STON2: variants seen among roughly 807,000 people sequenced by gnomAD.
The protein encoded by STON2 is stonin-2.
In STON2, 29 loss-of-function variants were observed where a neutral mutation model predicts 65.7. The ratio of observed to expected loss-of-function variants is 0.44; its 90% confidence interval spans 0.33 to 0.60. STON2 has a LOEUF of 0.60. Ranked by LOEUF, STON2 falls within the 20% of genes least tolerant of loss-of-function variation. The probability of loss-of-function intolerance (pLI) is 0.03; values close to 1 mark genes in which losing one functional copy is unlikely to be tolerated. For synonymous variants in STON2, 404 were observed against 414.2 expected, an observed-to-expected ratio of 0.98 and a Z score of 0.30; for missense variants, 1,054 against 1,118.1, an observed-to-expected ratio of 0.94 and a Z score of 0.82.
chr14:81,317,349 C>A lies in STON2; in HGVS notation c.742+6668G>T, dbSNP rs371896169. ...TCCAAAATAGGGGATCACATTTCAA[C>A]ATGAGAATTGGAGGGGACAAATATA... is the stretch of plus-strand genomic sequence containing the variant. On this transcript the variant is annotated intron_variant, in intron 5 of 7. Transcript: ENST00000614646. Among the ~76,000 whole-genome samples, 4 of 152,330 alleles carry A rather than the reference C, an allele frequency of 2.6e-5. No individual in the cohort carries two copies. In the East Asian group the frequency reaches 7.7e-4, roughly 29 times the overall value.
chr14:81,372,809 G>T (rs1899066651), intron 3 of STON2, among the ~76,000 whole-genome samples: 1 of 152,060 alleles, frequency 6.6e-6, no homozygotes, highest in South Asian at 2.1e-4. Flanking sequence ...CAGTTCTCCT[G>T]CCGGGAAAAC....
chr14:81,277,885 G>C lies in STON2; in HGVS notation c.1597C>G (p.Leu533Val). ...TCTGAAATCTCATGACAGATCTCCA[G>C]CTTGAACTCACGGAATGGTTTTTCT... ...GLEKPFREFK[L>V]EICHEISEPR... is the part of the protein sequence containing the mutation. Residue 533 changes from leucine (L) to valine (V), a missense_variant, in exon 6 of 8, where the codon CTG (leucine) becomes GTG (valine). Leu to Val is a conservative substitution (Grantham distance 32). Transcript: ENST00000614646. 6.2e-7 allele frequency: 1 copy of C among 1,614,208 alleles called. No individual in the cohort carries two copies. Among genetic ancestry groups the C allele is most frequent in the Non-Finnish European group, 8.5e-7 (1 of 1,180,036 alleles).
At chr14:81,335,034 T>C (rs1897323423) in intron 4 of STON2, among the ~76,000 whole-genome samples, 3 of 151,244 alleles carry the variant, frequency 2.0e-5, no homozygotes, top group Admixed American at 2.0e-4. Flanking sequence ...TGTGTGTGTG[T>C]GTGTGTGTGT....
At chr14:81,399,088 T>C (rs981162321) in intron 1 of STON2, among the ~76,000 whole-genome samples, 2 of 152,178 alleles carry the variant, frequency 1.3e-5, no homozygotes, top group Non-Finnish European at 2.9e-5. Flanking sequence ...TCAAGAAAAA[T>C]AGAAATGAAG....
chr14:81,396,772 A>T (rs1388176906), intron 2 of STON2, among the ~76,000 whole-genome samples: 1 of 152,080 alleles, frequency 6.6e-6, no homozygotes, highest in Non-Finnish European at 1.5e-5. Context: ...GAAATTAAAA[A>T]ACCTGGCCGG....
intron 1 of STON2, among the ~76,000 whole-genome samples, chr14:81,431,646 C>T (rs955422766): frequency 9.9e-5 from 15 of 152,132 alleles, no homozygotes; most frequent in Admixed American, 2.0e-4. Flanking sequence ...GGCATAGTGG[C>T]GCATTCCTGT....
At chr14:81,292,179 C>T (rs1357204575) in intron 5 of STON2, among the ~76,000 whole-genome samples, 6 of 152,158 alleles carry the variant, frequency 3.9e-5, no homozygotes, top group Admixed American at 2.0e-4. Flanking sequence ...GTCTTAAAAC[C>T]AGCATTCCAA....
chr14:81,357,868 T>C (rs1378547994), intron 4 of STON2, among the ~76,000 whole-genome samples: 2 of 125,820 alleles, frequency 1.6e-5, no homozygotes, highest in African/African-American at 6.2e-5. Flanking sequence ...AAGGGGAACA[T>C]CACACTCTGG....
Position 81,278,741 on chromosome 14 carries a change from TA to T in STON2, c.743-3del. 1 of 1,511,528 alleles carries T rather than the reference TA, an allele frequency of 6.6e-7. No individual in the cohort carries two copies. Among genetic ancestry groups the T allele is most frequent in the Non-Finnish European group, 8.8e-7 (1 of 1,133,284 alleles). 93.6% of individuals were successfully genotyped at this position (1,511,528 alleles called of 1,614,324 possible). A position where few individuals can be genotyped will look rare whatever the true frequency, so the allele number is the denominator to read the frequency against. On this transcript the variant is annotated splice_region_variant and splice_polypyrimidine_tract_variant and intron_variant, in intron 5 of 7. Coordinates refer to ENST00000614646, the MANE Select transcript of STON2 (RefSeq NM_001394390.1). ...CTTCTTGAAGCGAGGAGGAATTGTCTAAAAGGAAAAGGAGAACATATGAGCT... is the reference window on the plus strand; with the variant it reads ...CTTCTTGAAGCGAGGAGGAATTGTCTAAAGGAAAAGGAGAACATATGAGCT...
Position 81,278,751 on chromosome 14 carries a change from A to T in STON2, c.743-12T>A, listed in dbSNP as rs1595283350. ...CGAGGAGGAATTGTCTAAAAGGAAA[A>T]GGAGAACATATGAGCTACTGTTCAG... On this transcript the variant is annotated splice_polypyrimidine_tract_variant and intron_variant, in intron 5 of 7. Transcript: ENST00000614646. 6.6e-7 allele frequency: 1 copy of T among 1,508,642 alleles called. No homozygotes were observed. The highest frequency in any genetic ancestry group is 2.3e-5 in the East Asian group (1 of 43,904). The allele number at this position is 1,508,642 out of a possible 1,614,324, so 93.5% of individuals were successfully genotyped here.
At chr14:81,374,314 C>G (rs560087524) in intron 3 of STON2, among the ~76,000 whole-genome samples, 1 of 151,970 alleles carries the variant, frequency 6.6e-6, no homozygotes, top group Non-Finnish European at 1.5e-5. Flanking sequence ...CCACCACGCC[C>G]GGCCAATAAT....
chr14:81,293,305 C>A (rs1423298950), intron 5 of STON2, among the ~76,000 whole-genome samples: 1 of 152,014 alleles, frequency 6.6e-6, no homozygotes, highest in Non-Finnish European at 1.5e-5. Context: ...TCCCGAGTAG[C>A]TGGGACTGCA....
intron 3 of STON2, among the ~76,000 whole-genome samples, chr14:81,381,339 A>C (rs1899504023): frequency 6.6e-6 from 1 of 152,184 alleles, no homozygotes; most frequent in South Asian, 2.1e-4. Flanking sequence ...AAATTGAAAA[A>C]AACTGTATCA....
chr14:81,295,218 T>C (rs1595306397), intron 5 of STON2, among the ~76,000 whole-genome samples: 1 of 151,976 alleles, frequency 6.6e-6, no homozygotes, highest in Admixed American at 6.6e-5. Flanking sequence ...CCAGCTACTC[T>C]GGAGGCTGAG....
chr14:81,270,316 C>T, intron 7 of STON2: 1 of 1,089,622 alleles, frequency 9.2e-7, no homozygotes. Flanking sequence ...AACTCCTGAA[C>T]TCAAGTAATC....
intron 4 of STON2, among the ~76,000 whole-genome samples, chr14:81,370,589 C>A (rs960265763): frequency 2.0e-5 from 3 of 152,198 alleles, no homozygotes; most frequent in African/African-American, 7.2e-5. Context: ...GTTTTCTCTG[C>A]TTAAATCTAC....
In STON2 at chr14:81,267,414, T is replaced by C. The variant is rs997550869; in HGVS notation, c.*1000A>G. 1 of 985,454 alleles carries C rather than the reference T, an allele frequency of 1.0e-6. No homozygotes were observed. The highest frequency in any genetic ancestry group is 1.2e-6 in the Non-Finnish European group (1 of 829,928). The allele number at this position is 985,454 out of a possible 1,614,324, so 61.0% of individuals were successfully genotyped here. On this transcript the variant is annotated 3_prime_UTR_variant, in exon 8 of 8. Transcript: ENST00000614646. ...TTAATTTTAAAACAGCTTTAAAAATTATCTTTGCAGCTTAAATTTCCTATA... is the reference window on the plus strand; with the variant it reads ...TTAATTTTAAAACAGCTTTAAAAATCATCTTTGCAGCTTAAATTTCCTATA...
chr14:81,386,267 C>A (rs569049220), intron 3 of STON2, among the ~76,000 whole-genome samples: 1 of 152,194 alleles, frequency 6.6e-6, no homozygotes, highest in African/African-American at 2.4e-5. Flanking sequence ...ATTACATATG[C>A]ATGCAAAATG....
intron 2 of STON2, among the ~76,000 whole-genome samples, chr14:81,423,924 T>C (rs1901838987): frequency 6.6e-6 from 1 of 152,210 alleles, no homozygotes; most frequent in African/African-American, 2.4e-5. Flanking sequence ...GTCTGTTGAC[T>C]GAGGCCTGGC....
Sources: allele counts gnomAD v4.1 joint callset (sites outside exome capture counted in the v4.1 genomes callset), GRCh38; gene constraint gnomAD v4.1.1; transcripts MANE v1.5; gene names NCBI Gene and HGNC (gene_info 2026-07-23, HGNC 2026-07-21).